The following ZNF713 variants were observed in gnomAD, a reference collection of about 807,000 sequenced individuals.
ZNF713 encodes zinc finger protein 713.
A neutral mutation model predicts 28.7 loss-of-function variants in ZNF713; 21 were observed. The ratio of observed to expected loss-of-function variants is 0.73; its 90% confidence interval spans 0.52 to 1.05. The LOEUF is 1.05. Ranked by LOEUF, ZNF713 falls within the 50% of genes least tolerant of loss-of-function variation. ZNF713 has a pLI of 0.00. For missense variants in ZNF713, 458 were observed against 532.4 expected (o/e 0.86, Z 1.37); for synonymous variants, 167 against 178.0 (o/e 0.94, Z 0.49).
At chr7:55,892,573 A>AAAC (rs1298299065) in intron 1 of ZNF713, among the ~76,000 whole-genome samples, 1 of 150,124 alleles carries the variant, frequency 6.7e-6, no homozygotes, top group Non-Finnish European at 1.5e-5. Flanking sequence ...AAAAAAAAAA[A>AAAC]AAAAACAAAG....
Position 55,941,722 on chromosome 7 carries a change from T to A in ZNF713, c.*1716T>A, listed in dbSNP as rs1387272946. On this transcript the variant is annotated 3_prime_UTR_variant, in exon 7 of 7. Transcript: ENST00000429591. ...CTAATTAAATTTATTCTACTCTTCATCAAAATAGATACATAACCTTGAAAT... is the reference window on the plus strand; with the variant it reads ...CTAATTAAATTTATTCTACTCTTCAACAAAATAGATACATAACCTTGAAAT... The A allele has an allele frequency of 6.6e-6, 1 of 152,056 alleles. No homozygotes were observed. Among genetic ancestry groups the A allele is most frequent in the Admixed American group, 6.6e-5 (1 of 15,236 alleles). The allele number at this position is 152,056 out of a possible 1,614,324, so 9.4% of individuals were successfully genotyped here.
intron 6 of ZNF713, among the ~76,000 whole-genome samples, chr7:55,932,366 CAA>C (rs35990100): frequency 2.1e-5 from 3 of 139,688 alleles, no homozygotes; most frequent in African/African-American, 2.6e-5. Flanking sequence ...TCGTCTCTAC[CAA>C]AAAAAAAAAG....
chr7:55,896,498 C>T (rs563638651), intron 1 of ZNF713, among the ~76,000 whole-genome samples: 14 of 151,326 alleles, frequency 9.3e-5, no homozygotes, highest in South Asian at 2.1e-4. Flanking sequence ...AGGAAGTTAC[C>T]GGTAAGGAAA....
At position 55,908,893 on chromosome 7, in the gene ZNF713, T is replaced by C. The variant is rs1785734268; in HGVS notation, c.-456+2514T>C. On this transcript the variant is annotated intron_variant, in intron 2 of 6. Transcript: ENST00000429591. ...AGGTCTTAATGTAATACATCTTGAGTTAATTTTTGTAGATGGTTAAAGATA... is the reference window on the plus strand; with the variant it reads ...AGGTCTTAATGTAATACATCTTGAGCTAATTTTTGTAGATGGTTAAAGATA... Among the ~76,000 whole-genome samples the C allele has an allele frequency of 2.6e-5, 4 of 152,010 alleles. No homozygotes were observed. The South Asian group carries it at 8.3e-4, about 32-fold the overall frequency.
chr7:55,917,704 CAAAA>C (rs59443993), intron 4 of ZNF713, among the ~76,000 whole-genome samples: 1 of 123,192 alleles, frequency 8.1e-6, no homozygotes, highest in Non-Finnish European at 1.8e-5. Context: ...GACCCTGTCT[CAAAA>C]AAAAAAAAAG....
chr7:55,923,515 C>CA, intron 5 of ZNF713, 92 bp from the exon 6 acceptor site: 1 of 1,236,730 alleles, frequency 8.1e-7, no homozygotes, highest in Non-Finnish European at 1.1e-6. Flanking sequence ...GTCTCCCCTC[C>CA]AGAGGCTCTA....
intron 1 of ZNF713, among the ~76,000 whole-genome samples, chr7:55,902,165 T>G (rs1281242771): frequency 6.6e-6 from 1 of 152,142 alleles, no homozygotes; most frequent in Non-Finnish European, 1.5e-5. Flanking sequence ...CACTCCAGCC[T>G]GGGTGACAGA....
chr7:55,933,416 C>T (rs1786282632), intron 6 of ZNF713, among the ~76,000 whole-genome samples: 1 of 151,612 alleles, frequency 6.6e-6, no homozygotes, highest in Non-Finnish European at 1.5e-5. Context: ...CTGCCTCAGC[C>T]TCCCGAGTAG....
chr7:55,939,624 A>G lies in ZNF713; in HGVS notation c.950A>G (p.Asn317Ser), dbSNP rs1485482174. 1.9e-6 allele frequency: 3 copies of G among 1,614,114 alleles called. No homozygotes were observed. Among genetic ancestry groups the G allele is most frequent in the African/African-American group, 1.3e-5 (1 of 74,952 alleles). The change falls in exon 7 of 7, where the codon AAT becomes AGT. Residue 317 changes from asparagine to serine, a missense_variant. Coordinates refer to ENST00000429591, the MANE Select transcript of ZNF713 (RefSeq NM_182633.3). ...IHTGEKPFIC[N>S]GCGKAFRQHS... ...ACAGGAGAAAAGCCTTTTATATGCA[A>G]TGGATGTGGGAAAGCCTTCCGTCAG...
At chr7:55,905,746 C>T (rs1785666625) in intron 1 of ZNF713, among the ~76,000 whole-genome samples, 1 of 151,976 alleles carries the variant, frequency 6.6e-6, no homozygotes, top group South Asian at 2.1e-4. Flanking sequence ...CAATCAATAC[C>T]TTATGTGATT....
rs1390672728 is a variant in ZNF713 at position 55,892,888 on chromosome 7, A to AG, written c.-583+5210dup. On this transcript the variant is annotated intron_variant, in intron 1 of 6. Transcript: ENST00000429591. ...TTGTTTGGGAAAAAAAAAAAAAAAAAGGCGGAGTAATAGGAGACAAGGCAT... is the reference window on the plus strand; with the variant it reads ...TTGTTTGGGAAAAAAAAAAAAAAAAAGGGCGGAGTAATAGGAGACAAGGCAT... 3.2e-3 allele frequency among the ~76,000 whole-genome samples: 482 copies of AG among 149,738 alleles called. 5 individuals are homozygous for AG. The highest frequency in any genetic ancestry group is 0.011 in the African/African-American group (442 of 40,872).
chr7:55,904,339 G>GT (rs1785638218), intron 1 of ZNF713, among the ~76,000 whole-genome samples: 1 of 113,056 alleles, frequency 8.8e-6, no homozygotes, highest in South Asian at 2.6e-4. Context: ...GTGTACACCT[G>GT]TAATTCCCAG....
At position 55,938,858 on chromosome 7, in the gene ZNF713, G is replaced by A. The variant is rs1280736259; in HGVS notation, c.308-124G>A. Reference sequence around the variant, plus strand: ...GCCACATTGAAAAACTTTCAATGCCGTGTATGCCTTGTACACATTACTGTC... The same window carrying A: ...GCCACATTGAAAAACTTTCAATGCCATGTATGCCTTGTACACATTACTGTC... On this transcript the variant is annotated intron_variant, in intron 6 of 6. Coordinates refer to ENST00000429591, the MANE Select transcript of ZNF713 (RefSeq NM_182633.3). 9 of 986,572 alleles carry A rather than the reference G, an allele frequency of 9.1e-6. No homozygotes were observed. In the Admixed American group the frequency reaches 1.2e-4, roughly 13 times the overall value. The allele number at this position is 986,572 out of a possible 1,614,324, so 61.1% of individuals were successfully genotyped here.
chr7:55,887,637 G>GCGGCGGCGGCGGCGT lies in ZNF713; in HGVS notation c.-624_-623insGCGGCGGCGGCGTCG, dbSNP rs1487833170. On this transcript the variant is annotated 5_prime_UTR_variant, in exon 1 of 7. Coordinates refer to ENST00000429591, the MANE Select transcript of ZNF713 (RefSeq NM_182633.3). ...GGCGGCGGCGGCGGCGGCGGCGGCG[G>GCGGCGGCGGCGGCGT]CGTCAGGGGGCGGAGCCTGCCGAAG... The GCGGCGGCGGCGGCGT allele has an allele frequency of 1.1e-5, 2 of 176,738 alleles. No individual in the cohort carries two copies. The highest frequency in any genetic ancestry group is 2.7e-5 in the African/African-American group (1 of 36,996). 10.9% of individuals were successfully genotyped at this position (176,738 alleles called of 1,614,324 possible). A position where few individuals can be genotyped will look rare whatever the true frequency, so the allele number is the denominator to read the frequency against.
chr7:55,940,289 A>C lies in ZNF713; in HGVS notation c.*283A>C, dbSNP rs1280498460. On this transcript the variant is annotated 3_prime_UTR_variant, in exon 7 of 7. Transcript: ENST00000429591. ...AGGTATGCACCACCACGCCCAGCTA[A>C]TTTTTTGTATTTTTAGTAGAGACGG... is the stretch of plus-strand genomic sequence containing the variant. 4.2e-6 allele frequency: 2 copies of C among 481,114 alleles called. No individual in the cohort carries two copies. Among genetic ancestry groups the C allele is most frequent in the Non-Finnish European group, 5.8e-6 (2 of 345,816 alleles). 29.8% of individuals were successfully genotyped at this position (481,114 alleles called of 1,614,324 possible).
rs774827512 is a variant in ZNF713 at position 55,939,463 on chromosome 7, T to C, written c.789T>C (p.Cys263=). The C allele has an allele frequency of 1.9e-6, 3 of 1,613,998 alleles. No individual in the cohort carries two copies. Among genetic ancestry groups the C allele is most frequent in the Admixed American group, 1.7e-5 (1 of 59,992 alleles). Residue 263 remains cysteine (C), a synonymous_variant, in exon 7 of 7, where the codon TGT becomes TGC. Coordinates refer to ENST00000429591, the MANE Select transcript of ZNF713 (RefSeq NM_182633.3). ...HIHTAEKPSE[C]GKAFSHTSSL... is the part of the protein sequence containing the mutation. ...ATACTGCAGAGAAACCCAGTGAGTG[T>C]GGGAAGGCCTTCAGCCACACCTCAT...
intron 1 of ZNF713, among the ~76,000 whole-genome samples, chr7:55,905,399 T>G (rs1173397815): frequency 6.6e-6 from 1 of 152,146 alleles, no homozygotes; most frequent in African/African-American, 2.4e-5. Context: ...GTGTGTCTAA[T>G]GCACAGCTCA....
rs1450622488 is a variant in ZNF713, at chr7:55,933,912, C to T, written c.308-5070C>T. 3.3e-5 allele frequency among the ~76,000 whole-genome samples: 5 copies of T among 151,990 alleles called. No homozygotes were observed. In the East Asian group the frequency reaches 9.7e-4, roughly 29 times the overall value. On this transcript the variant is annotated intron_variant, in intron 6 of 6. Coordinates refer to ENST00000429591, the MANE Select transcript of ZNF713 (RefSeq NM_182633.3). ...GTAGAGACAGGGTTTTGCCATGTTG[C>T]CCAGGCTGGTCTTGAGCTCCTGGGC...
At chr7:55,933,102 T>C (rs1482599600) in intron 6 of ZNF713, among the ~76,000 whole-genome samples, 2 of 150,888 alleles carry the variant, frequency 1.3e-5, no homozygotes, top group Admixed American at 6.6e-5. Flanking sequence ...CTGGGCGTGG[T>C]GGCAGGCGCC....
Sources: gnomAD v4.1 joint callset for allele counts (sites outside exome capture counted in the v4.1 genomes callset) on GRCh38, gnomAD v4.1.1 for gene constraint, MANE v1.5 for transcripts, NCBI Gene and HGNC (gene_info 2026-07-23, HGNC 2026-07-21) for gene names.